CSTPP1: variants seen among roughly 807,000 people sequenced by gnomAD.
The protein encoded by CSTPP1 is UPF0705 protein C11orf49.
At chr11:47,015,417 T>G in the CSTPP1 span, among the ~76,000 whole-genome samples, 1 of 152,064 alleles carries the variant, frequency 6.6e-6, no homozygotes, top group Non-Finnish European at 1.5e-5. Flanking sequence ...GAGGCTGCAG[T>G]GAGCCAAGGT....
the CSTPP1 span, among the ~76,000 whole-genome samples, chr11:47,048,456 G>A: frequency 6.6e-6 from 1 of 152,012 alleles, no homozygotes; most frequent in East Asian, 1.9e-4. Flanking sequence ...GGGAGACCCT[G>A]TCTCTATTAT....
chr11:47,156,259 C>T, the CSTPP1 span, among the ~76,000 whole-genome samples: 1 of 152,202 alleles, frequency 6.6e-6, no homozygotes, highest in Non-Finnish European at 1.5e-5. Flanking sequence ...AAGGAGCAGC[C>T]ATGTCTGGGA....
At chr11:47,028,087 C>G in the CSTPP1 span, among the ~76,000 whole-genome samples, 1 of 152,064 alleles carries the variant, frequency 6.6e-6, no homozygotes, top group Non-Finnish European at 1.5e-5. Flanking sequence ...CCATGCCTGG[C>G]TAATTTTTTG....
the CSTPP1 span, among the ~76,000 whole-genome samples, chr11:47,005,702 A>G: frequency 6.6e-6 from 1 of 152,190 alleles, no homozygotes; most frequent in Admixed American, 6.5e-5. Flanking sequence ...AGGGCCTGCC[A>G]CTTTCTGGTA....
At chr11:47,086,799 T>G in the CSTPP1 span, among the ~76,000 whole-genome samples, 1 of 152,184 alleles carries the variant, frequency 6.6e-6, no homozygotes, top group Non-Finnish European at 1.5e-5. Flanking sequence ...AAAGCAGTGA[T>G]AACTGTGAAG....
chr11:47,064,261 T>C, the CSTPP1 span, among the ~76,000 whole-genome samples: 993 of 152,260 alleles, frequency 6.5e-3, 7 homozygotes, highest in African/African-American at 0.021. Flanking sequence ...TTCTGTTCTG[T>C]AGGTCATCTT....
chr11:47,023,993 G>A, the CSTPP1 span, among the ~76,000 whole-genome samples: 18 of 151,694 alleles, frequency 1.2e-4, no homozygotes, highest in Non-Finnish European at 2.2e-4. Flanking sequence ...TGAATTATAT[G>A]GTAATTCCAC....
the CSTPP1 span, among the ~76,000 whole-genome samples, chr11:46,982,707 G>A: frequency 1.3e-5 from 2 of 152,118 alleles, no homozygotes; most frequent in Non-Finnish European, 2.9e-5. Context: ...ATGGGTATAT[G>A]ATGATGTATA....
chr11:47,157,178 T>C, the CSTPP1 span: 1 of 1,606,616 alleles, frequency 6.2e-7, no homozygotes, highest in South Asian at 1.1e-5. Flanking sequence ...GTCGCTGTTC[T>C]ACCAGTGTCT....
At chr11:47,151,684 A>G in the CSTPP1 span, among the ~76,000 whole-genome samples, 1 of 151,080 alleles carries the variant, frequency 6.6e-6, no homozygotes, top group African/African-American at 2.4e-5. Flanking sequence ...ACAAGCTCGG[A>G]TCCATTTGGC....
chr11:46,970,399 TAATAATAAATA>T, the CSTPP1 span, among the ~76,000 whole-genome samples: 1 of 149,730 alleles, frequency 6.7e-6, no homozygotes, highest in Non-Finnish European at 1.5e-5. Context: ...AACTTTATAA[TAATAATAAATA>T]AATAAATAAA....
At chr11:46,962,224 C>T in the CSTPP1 span, among the ~76,000 whole-genome samples, 2 of 152,138 alleles carry the variant, frequency 1.3e-5, no homozygotes, top group Non-Finnish European at 2.9e-5. Context: ...CAGGCACTTA[C>T]GTCAAAAATC....
the CSTPP1 span, among the ~76,000 whole-genome samples, chr11:47,122,091 A>AAAAAATAT: frequency 2.7e-3 from 87 of 31,828 alleles, 4 homozygotes; most frequent in Admixed American, 3.4e-3. Flanking sequence ...AAAAAAAAAA[A>AAAAAATAT]ATATATATAT....
the CSTPP1 span, among the ~76,000 whole-genome samples, chr11:46,959,831 A>G: frequency 6.7e-6 from 1 of 150,312 alleles, no homozygotes; most frequent in South Asian, 2.1e-4. Flanking sequence ...TTATTTAGAT[A>G]TGCTTAGCAC....
At chr11:46,996,887 C>T in the CSTPP1 span, among the ~76,000 whole-genome samples, 2 of 152,214 alleles carry the variant, frequency 1.3e-5, no homozygotes, top group African/African-American at 4.8e-5. Context: ...TTGGCCCCCA[C>T]TCTCTTCTGG....
At chr11:47,146,772 G>A in the CSTPP1 span, among the ~76,000 whole-genome samples, 1 of 152,170 alleles carries the variant, frequency 6.6e-6, no homozygotes, top group African/African-American at 2.4e-5. Flanking sequence ...CAATCTGCAC[G>A]TCCCTCTGCT....
chr11:46,997,373 A>C, the CSTPP1 span, among the ~76,000 whole-genome samples: 1 of 152,146 alleles, frequency 6.6e-6, no homozygotes, highest in African/African-American at 2.4e-5. Context: ...TGTGTGTGTC[A>C]CATAGTTCTT....
chr11:46,987,186 C>T, the CSTPP1 span: 15 of 1,606,902 alleles, frequency 9.3e-6, no homozygotes, highest in Non-Finnish European at 6.8e-6. Flanking sequence ...TTTTCTCTTT[C>T]TCTCTTGCTA....
the CSTPP1 span, among the ~76,000 whole-genome samples, chr11:47,023,856 C>T: frequency 5.3e-5 from 8 of 152,260 alleles, no homozygotes; most frequent in East Asian, 1.4e-3. Context: ...TGTCATTAGA[C>T]ACTAGGGTGG....
Sources: gnomAD v4.1 joint callset for allele counts (sites outside exome capture counted in the v4.1 genomes callset) on GRCh38, gnomAD v4.1.1 for gene constraint, MANE v1.5 for transcripts, NCBI Gene and HGNC (gene_info 2026-07-23, HGNC 2026-07-21) for gene names.